The following CDH4 variants were observed in gnomAD, a reference collection of about 807,000 sequenced individuals.
CDH4 encodes the protein cadherin-4.
A neutral mutation model predicts 86.0 loss-of-function variants in CDH4; 33 were observed. The ratio of observed to expected loss-of-function variants is 0.38; its 90% CI spans 0.29 to 0.51. The LOEUF (loss-of-function observed/expected upper bound fraction) is 0.51, where lower values mean the gene tolerates loss of function less well. CDH4 is among the 20% of genes least tolerant of loss of function. CDH4 has a pLI of 0.86. For missense variants in CDH4, 1,114 were observed against 1,307.4 expected, an observed-to-expected ratio of 0.85 and a Z score of 2.28; for synonymous variants, 555 against 549.4, an observed-to-expected ratio of 1.01 and a Z score of -0.14.
intron 2 of CDH4, among the ~76,000 whole-genome samples, chr20:61,347,696 A>G (rs1455851634): frequency 6.6e-6 from 1 of 152,190 alleles, no homozygotes; most frequent in Non-Finnish European, 1.5e-5. Flanking sequence ...TTATCAGGCA[A>G]AATAAGCTGG....
chr20:61,923,594 C>CA lies in CDH4; in HGVS notation c.1518_1519insA (p.Phe507IlefsTer29). The CA allele has an allele frequency of 6.2e-7, 1 of 1,614,212 alleles. No individual in the cohort carries two copies. Among genetic ancestry groups the CA allele is most frequent in the Non-Finnish European group, 8.5e-7 (1 of 1,180,030 alleles). ...TCATGGACATCAACGAGGCTCCCTA[C>CA]TTCCCCTCAAACCACAAGCTGATCC... On this transcript the variant is annotated frameshift_variant, in exon 10 of 16. Transcript: ENST00000614565. LOFTEE classifies it high-confidence loss of function.
At chr20:61,267,149 G>A (rs531206070) in intron 2 of CDH4, among the ~76,000 whole-genome samples, 14 of 152,234 alleles carry the variant, frequency 9.2e-5, no homozygotes, top group East Asian at 1.9e-4. Flanking sequence ...TCAGACTTCT[G>A]GCTTCCAGAA....
chr20:61,807,168 G>T lies in CDH4; in HGVS notation c.576+33986G>T, dbSNP rs540909124. Reference sequence around the variant, plus strand: ...GTGGGGCAGGTGCCGGGAGGGCCTCGGGAGGTGCCTGGTGGGTCCTGCCAG... The same window carrying T: ...GTGGGGCAGGTGCCGGGAGGGCCTCTGGAGGTGCCTGGTGGGTCCTGCCAG... On this transcript the variant is annotated intron_variant, in intron 4 of 15. Coordinates refer to ENST00000614565, the MANE Select transcript of CDH4 (RefSeq NM_001794.5). This position sits in a 1 kb window ranked among gnomAD's most constrained non-coding sequence, Gnocchi z 4.5. Among the ~76,000 whole-genome samples, 3 of 152,334 alleles carry T rather than the reference G, an allele frequency of 2.0e-5. No individual in the cohort carries two copies. The highest frequency in any genetic ancestry group is 7.2e-5 in the African/African-American group (3 of 41,594).
intron 2 of CDH4, among the ~76,000 whole-genome samples, chr20:61,360,226 C>T (rs1024240257): frequency 6.6e-6 from 1 of 152,156 alleles, no homozygotes; most frequent in Non-Finnish European, 1.5e-5. Flanking sequence ...TGGGCACAGC[C>T]AGAAGCTGTC....
intron 2 of CDH4, among the ~76,000 whole-genome samples, chr20:61,639,197 T>C (rs2086979826): frequency 6.6e-6 from 1 of 152,204 alleles, no homozygotes; most frequent in South Asian, 2.1e-4. Flanking sequence ...ACAGCAGGGA[T>C]GTATCATGTA....
chr20:61,264,911 C>T (rs1157927428), intron 2 of CDH4, among the ~76,000 whole-genome samples: 2 of 136,140 alleles, frequency 1.5e-5, no homozygotes, highest in Non-Finnish European at 1.6e-5. Flanking sequence ...TCATTCAGTC[C>T]TACACATACC....
intron 3 of CDH4, among the ~76,000 whole-genome samples, chr20:61,760,140 C>A (rs1425403021): frequency 6.9e-6 from 1 of 145,308 alleles, no homozygotes; most frequent in Non-Finnish European, 1.5e-5. Context: ...TGTATCTTCG[C>A]TTTTGGTGGG....
intron 3 of CDH4, among the ~76,000 whole-genome samples, chr20:61,769,997 T>C (rs2088755077): frequency 1.3e-5 from 2 of 152,340 alleles, no homozygotes; most frequent in South Asian, 4.1e-4. Context: ...CCTGCTGTCC[T>C]GCTCATCGGA....
chr20:61,331,655 C>A (rs1313651012), intron 2 of CDH4, among the ~76,000 whole-genome samples: 1 of 141,766 alleles, frequency 7.1e-6, no homozygotes. Context: ...CCCGCCCCAG[C>A]CACCTGCCCC....
chr20:61,322,203 T>C (rs2084512576), intron 2 of CDH4, among the ~76,000 whole-genome samples: 1 of 152,224 alleles, frequency 6.6e-6, no homozygotes, highest in South Asian at 2.1e-4. Flanking sequence ...TGCTGGCCTG[T>C]GGTTGGGAGC....
chr20:61,878,488 A>T (rs1223617964), intron 7 of CDH4, among the ~76,000 whole-genome samples: 1 of 152,228 alleles, frequency 6.6e-6, no homozygotes, highest in Non-Finnish European at 1.5e-5. Context: ...TTCCCCTTCT[A>T]AAGGCACCAG....
At chr20:61,292,792 GTTTTTGT>G (rs1481667820) in intron 2 of CDH4, among the ~76,000 whole-genome samples, 1 of 152,244 alleles carries the variant, frequency 6.6e-6, no homozygotes, top group Non-Finnish European at 1.5e-5. Context: ...TTTTGTTTTT[GTTTTTGT>G]TTTTGTAGCA....
intron 4 of CDH4, among the ~76,000 whole-genome samples, chr20:61,805,027 C>G (rs1182822568): frequency 1.3e-5 from 2 of 152,232 alleles, no homozygotes; most frequent in African/African-American, 4.8e-5. Context: ...AGCCCCAGCG[C>G]CAGGCCAAGA....
intron 3 of CDH4, among the ~76,000 whole-genome samples, chr20:61,772,640 G>GA (rs1224411882): frequency 6.6e-6 from 1 of 152,132 alleles, no homozygotes; most frequent in African/African-American, 2.4e-5. Flanking sequence ...AGTTTTGTGG[G>GA]AAAACGTATT....
chr20:61,855,373 G>T (rs917025623), intron 6 of CDH4, among the ~76,000 whole-genome samples: 3 of 152,214 alleles, frequency 2.0e-5, no homozygotes, highest in Admixed American at 6.5e-5. Flanking sequence ...GGAACCATGG[G>T]CAGCTGGTCC....
chr20:61,523,726 C>T (rs2085890099), intron 2 of CDH4, among the ~76,000 whole-genome samples: 1 of 152,242 alleles, frequency 6.6e-6, no homozygotes, highest in Non-Finnish European at 1.5e-5. Flanking sequence ...AGAGACACCA[C>T]CCGTCTGCGT....
intron 4 of CDH4, among the ~76,000 whole-genome samples, chr20:61,793,962 C>T (rs1979376659): frequency 6.9e-6 from 1 of 143,942 alleles, no homozygotes. Flanking sequence ...CACGGTGAAA[C>T]CTCGTCTCTA....
At chr20:61,933,416 C>A (rs531595749) in intron 14 of CDH4, among the ~76,000 whole-genome samples, 1 of 152,216 alleles carries the variant, frequency 6.6e-6, no homozygotes, top group Non-Finnish European at 1.5e-5. Flanking sequence ...CCGGGTTGGC[C>A]AAGCACACCG....
intron 2 of CDH4, among the ~76,000 whole-genome samples, chr20:61,311,545 G>A (rs565719903): frequency 7.9e-5 from 12 of 152,294 alleles, no homozygotes; most frequent in Middle Eastern, 6.8e-3. Flanking sequence ...GACAAAACAT[G>A]TTACACCTCA....
Sources: gnomAD v4.1 joint callset for allele counts (sites outside exome capture counted in the v4.1 genomes callset) on GRCh38, gnomAD v4.1.1 for gene constraint, Gnocchi (gnomAD v3.1) non-coding constraint, MANE v1.5 for transcripts, NCBI Gene and HGNC (gene_info 2026-07-23, HGNC 2026-07-21) for gene names.